Variants in CTDSPL2 observed in about 807,000 individuals in gnomAD.
CTDSPL2 encodes the protein CTD small phosphatase like 2.
A neutral mutation model predicts 60.0 loss-of-function variants in CTDSPL2; 5 were observed. That is an observed-to-expected ratio of 0.08 (90% confidence interval 0.04 to 0.18). The LOEUF is 0.18. Among genes scored for constraint, CTDSPL2 ranks in the 10% least tolerant of loss-of-function variants. The pLI is 1.00. For synonymous variants in CTDSPL2, 186 were observed against 189.3 expected, an observed-to-expected ratio of 0.98 and a Z score of 0.14; for missense variants, 370 against 548.8, an observed-to-expected ratio of 0.67 and a Z score of 3.26.
In CTDSPL2 at chr15:44,458,579, T is replaced by A. The variant is rs555930640; in HGVS notation, c.-24-412T>A. On this transcript the variant is annotated intron_variant, in intron 1 of 12. Transcript: ENST00000260327. ...GTTACAGAAAAGCAAAACCTTTCCT[T>A]ATCTTGTTTACTATTTACTCAATTC... 3.9e-4 allele frequency among the ~76,000 whole-genome samples: 59 copies of A among 152,340 alleles called. No homozygotes were observed. The South Asian group carries it at 0.011, about 28-fold the overall frequency.
rs886289818 is a variant in CTDSPL2 at position 44,427,757 on chromosome 15, C to T, written c.-40C>T. On this transcript the variant is annotated 5_prime_UTR_variant, in exon 1 of 13. Coordinates refer to ENST00000260327, the MANE Select transcript of CTDSPL2 (RefSeq NM_016396.3). ...ATCGCCGGAGCCTGAGGACACTTCT[C>T]TGTCGTCACAGTTAGGTAATCCCCT... is the stretch of plus-strand genomic sequence containing the variant. The T allele has an allele frequency of 7.5e-6, 3 of 399,240 alleles. No individual in the cohort carries two copies. The highest frequency in any genetic ancestry group is 1.3e-5 in the Non-Finnish European group (3 of 226,322). The allele number at this position is 399,240 out of a possible 1,614,324, so 24.7% of individuals were successfully genotyped here.
intron 8 of CTDSPL2, among the ~76,000 whole-genome samples, chr15:44,510,953 A>G (rs1184240619): frequency 6.6e-6 from 1 of 152,166 alleles, no homozygotes; most frequent in Non-Finnish European, 1.5e-5. Flanking sequence ...CCTATATCCA[A>G]ATAACTTAGA....
chr15:44,455,981 G>C (rs1311419719), intron 1 of CTDSPL2, among the ~76,000 whole-genome samples: 2 of 149,950 alleles, frequency 1.3e-5, no homozygotes, highest in African/African-American at 4.9e-5. Context: ...CTCCCGAGTA[G>C]CTGGGACTAC....
chr15:44,481,506 C>G (rs902810100), intron 2 of CTDSPL2, among the ~76,000 whole-genome samples: 3 of 152,142 alleles, frequency 2.0e-5, no homozygotes, highest in Non-Finnish European at 4.4e-5. Flanking sequence ...ATTTGATATT[C>G]TCTTCATCAG....
chr15:44,499,871 A>G (rs1595762782), intron 8 of CTDSPL2, 58 bp downstream of exon 8: 4 of 964,078 alleles, frequency 4.1e-6, no homozygotes, highest in Non-Finnish European at 6.6e-6. Flanking sequence ...GATAAAAAAA[A>G]CTTTTGTATT....
At chr15:44,495,219 C>T (rs762881525) in intron 5 of CTDSPL2, among the ~76,000 whole-genome samples, 1 of 152,128 alleles carries the variant, frequency 6.6e-6, no homozygotes, top group Admixed American at 6.5e-5. Context: ...ATCCGCCTGC[C>T]TTGGCCTCCC....
At chr15:44,519,423 T>A in intron 11 of CTDSPL2, 128 bp downstream of exon 11, 1 of 824,938 alleles carries the variant, frequency 1.2e-6, no homozygotes, top group Non-Finnish European at 1.8e-6. Flanking sequence ...TAATGTGTCA[T>A]TTTTTTAGAA....
chr15:44,463,626 C>T (rs1412790009), intron 2 of CTDSPL2, among the ~76,000 whole-genome samples: 1 of 152,124 alleles, frequency 6.6e-6, no homozygotes, highest in Non-Finnish European at 1.5e-5. Flanking sequence ...GACAACTAAT[C>T]CTGTGTTAGG....
At chr15:44,497,217 CT>C in intron 7 of CTDSPL2, 79 bp downstream of exon 7, 139 of 816,828 alleles carry the variant, frequency 1.7e-4, no homozygotes, top group Middle Eastern at 2.4e-4. Flanking sequence ...TTAGCTTTCC[CT>C]TTTTTTTGTC....
chr15:44,470,880 G>A (rs2080794779), intron 2 of CTDSPL2, among the ~76,000 whole-genome samples: 1 of 151,890 alleles, frequency 6.6e-6, no homozygotes, highest in African/African-American at 2.4e-5. Flanking sequence ...TCATTTGAGT[G>A]AACTAGCTAT....
intron 2 of CTDSPL2, among the ~76,000 whole-genome samples, chr15:44,474,116 C>T (rs757065651): frequency 3.3e-5 from 5 of 152,186 alleles, no homozygotes; most frequent in Non-Finnish European, 7.3e-5. Flanking sequence ...GAGTGAGCCA[C>T]CACCCACAGA....
intron 1 of CTDSPL2, among the ~76,000 whole-genome samples, chr15:44,438,157 G>A (rs896415871): frequency 2.6e-5 from 4 of 152,258 alleles, no homozygotes; most frequent in South Asian, 2.1e-4. Context: ...CCAGCTACTC[G>A]GAAGGCTGGG....
chr15:44,512,129 C>G (rs1362857749), intron 8 of CTDSPL2, among the ~76,000 whole-genome samples: 2 of 151,436 alleles, frequency 1.3e-5, no homozygotes, highest in Admixed American at 1.3e-4. Flanking sequence ...CCCGGGAGGT[C>G]GAGGCTGCAG....
chr15:44,515,101 G>T (rs1047336549), intron 10 of CTDSPL2, among the ~76,000 whole-genome samples: 13 of 150,886 alleles, frequency 8.6e-5, no homozygotes, highest in Admixed American at 3.3e-4. Flanking sequence ...TGGGATTGGG[G>T]AAGACGGGGG....
intron 1 of CTDSPL2, chr15:44,448,197 C>A: frequency 3.5e-6 from 1 of 284,010 alleles, no homozygotes; most frequent in Admixed American, 4.0e-5. Context: ...CAGCTGTGCA[C>A]TTGAGGCTGA....
chr15:44,498,998 A>G (rs2081345962), intron 7 of CTDSPL2, among the ~76,000 whole-genome samples: 1 of 152,210 alleles, frequency 6.6e-6, no homozygotes, highest in South Asian at 2.1e-4. Context: ...CTACACTTAC[A>G]TTTGCTGATT....
chr15:44,445,397 C>G (rs542901898), intron 1 of CTDSPL2, among the ~76,000 whole-genome samples: 9 of 151,684 alleles, frequency 5.9e-5, no homozygotes, highest in African/African-American at 2.2e-4. Context: ...ATCATGTTGC[C>G]CAGGCTGGTC....
At chr15:44,510,682 C>T (rs1054711699) in intron 8 of CTDSPL2, among the ~76,000 whole-genome samples, 1 of 151,994 alleles carries the variant, frequency 6.6e-6, no homozygotes, top group Non-Finnish European at 1.5e-5. Context: ...AAGTAGGCAG[C>T]TCAGGAAAGG....
intron 1 of CTDSPL2, among the ~76,000 whole-genome samples, chr15:44,446,824 C>G (rs956093447): frequency 2.1e-5 from 3 of 141,476 alleles, no homozygotes; most frequent in Admixed American, 7.2e-5. Context: ...GGTGTGATCT[C>G]AGCTCACTGC....
Sources: gnomAD v4.1 joint callset for allele counts (sites outside exome capture counted in the v4.1 genomes callset) on GRCh38, gnomAD v4.1.1 for gene constraint, MANE v1.5 for transcripts, NCBI Gene and HGNC (gene_info 2026-07-23, HGNC 2026-07-21) for gene names.